ADRA1A: variants seen among roughly 807,000 people sequenced by gnomAD.
ADRA1A encodes the protein alpha-1A adrenergic receptor.
ADRA1A carries 31 observed loss-of-function variants against 29.6 expected under a neutral mutation model. The observed-to-expected ratio is 1.05, with a 90% CI of 0.79 to 1.41. The LOEUF is 1.41. Among genes scored for constraint, ADRA1A ranks in the 40% most tolerant of loss-of-function variants. The probability of loss-of-function intolerance (pLI) is 0.00; values close to 1 mark genes in which losing one functional copy is unlikely to be tolerated. For missense variants in ADRA1A, 619 were observed against 601.1 expected, an observed-to-expected ratio of 1.03 and a Z score of -0.31; for synonymous variants, 311 against 254.3, an observed-to-expected ratio of 1.22 and a Z score of -2.12.
In ADRA1A at chr8:26,860,855, T is replaced by C. The variant is rs953996989; in HGVS notation, c.883+3232A>G. Among the ~76,000 whole-genome samples the C allele has an allele frequency of 6.6e-6, 1 of 152,122 alleles. No individual in the cohort carries two copies. Among genetic ancestry groups the C allele is most frequent in the African/African-American group, 2.4e-5 (1 of 41,410 alleles). On this transcript the variant is annotated intron_variant, in intron 2 of 2. Coordinates refer to ENST00000380573, the MANE Select transcript of ADRA1A (RefSeq NM_000680.4). The surrounding 1 kb of genome is among the most constrained non-coding windows in gnomAD (Gnocchi z 4.7). Reference sequence around the variant, plus strand: ...CATCGTTCCCATCAGAATATAAATATCATGTCATATCCCCACCTCCCACCA... The same window carrying C: ...CATCGTTCCCATCAGAATATAAATACCATGTCATATCCCCACCTCCCACCA...
At chr8:26,800,727 A>G (rs759090912) in intron 2 of ADRA1A, among the ~76,000 whole-genome samples, 1 of 152,170 alleles carries the variant, frequency 6.6e-6, no homozygotes, top group Non-Finnish European at 1.5e-5. Context: ...AAAAAATAGA[A>G]GAAGAGGGAA....
intron 2 of ADRA1A, chr8:26,859,136 T>G: frequency 7.8e-7 from 1 of 1,290,006 alleles, no homozygotes; most frequent in African/African-American, 1.5e-5. Context: ...CTCTTTCCTC[T>G]CCCGCAGCCT....
chr8:26,765,786 G>A (rs1805742690), downstream of ADRA1A: 2 of 1,246,848 alleles, frequency 1.6e-6, no homozygotes, highest in African/African-American at 3.0e-5. Flanking sequence ...TTGGCCAAAG[G>A]ACCTGAGCAG....
chr8:26,762,378 C>T (rs1335872787), downstream of ADRA1A, among the ~76,000 whole-genome samples: 1 of 152,104 alleles, frequency 6.6e-6, no homozygotes, highest in Non-Finnish European at 1.5e-5. This position sits in a 1 kb window ranked among gnomAD's most constrained non-coding sequence, Gnocchi z 4.0. Flanking sequence ...TGTCTCCTGC[C>T]CTGGGCTCTC....
At position 26,801,200 on chromosome 8, in the gene ADRA1A, C is replaced by T. The variant is rs541924093; in HGVS notation, c.884-30534G>A. On this transcript the variant is annotated intron_variant, in intron 2 of 2. Coordinates refer to ENST00000380573, the MANE Select transcript of ADRA1A (RefSeq NM_000680.4). ...TGAATTGGAAAAAGTGAAAGCCTTTCCTCTAAGTTCTAGAACAAGACAAGC... is the reference window on the plus strand; with the variant it reads ...TGAATTGGAAAAAGTGAAAGCCTTTTCTCTAAGTTCTAGAACAAGACAAGC... Among the ~76,000 whole-genome samples the T allele has an allele frequency of 5.3e-5, 8 of 152,232 alleles. No individual in the cohort carries two copies. The South Asian group carries it at 1.7e-3, about 32-fold the overall frequency.
At position 26,770,799 on chromosome 8, in the gene ADRA1A, A is replaced by T. The variant is rs1010691531; in HGVS notation, c.884-133T>A. The T allele has an allele frequency of 3.1e-6, 4 of 1,296,936 alleles. No individual in the cohort carries two copies. The African/African-American group carries it at 6.0e-5, about 19-fold the overall frequency. 80.3% of individuals were successfully genotyped at this position (1,296,936 alleles called of 1,614,324 possible). On this transcript the variant is annotated intron_variant, in intron 2 of 2. Transcript: ENST00000380573. ...GATCCCAAACACATATGAGTTTCTC[A>T]CATTTGACTGACTAGCTCCTATGAC...
chr8:26,840,957 T>C (rs1013082889), intron 2 of ADRA1A, among the ~76,000 whole-genome samples: 35 of 152,300 alleles, frequency 2.3e-4, no homozygotes, highest in South Asian at 6.2e-4. Context: ...CCAGTCATGA[T>C]AGCAGGAATA....
intron 2 of ADRA1A, among the ~76,000 whole-genome samples, chr8:26,851,348 T>A (rs1397118782): frequency 6.6e-6 from 1 of 152,094 alleles, no homozygotes; most frequent in Non-Finnish European, 1.5e-5. Context: ...GAGACAAGCT[T>A]TCCAAACCAC....
chr8:26,756,059 T>A (rs1805149377), downstream of ADRA1A, among the ~76,000 whole-genome samples: 1 of 152,264 alleles, frequency 6.6e-6, no homozygotes, highest in Admixed American at 6.5e-5. Context: ...TTATTTCATC[T>A]ATCACACTTG....
chr8:26,818,408 TG>T (rs1342096223), intron 2 of ADRA1A, among the ~76,000 whole-genome samples: 1 of 152,210 alleles, frequency 6.6e-6, no homozygotes, highest in African/African-American at 2.4e-5. Flanking sequence ...AACATTTTTT[TG>T]TTTGTAAAAT....
At position 26,805,614 on chromosome 8, in the gene ADRA1A, C is replaced by T. The variant is rs1219085469; in HGVS notation, c.884-34948G>A. On this transcript the variant is annotated intron_variant, in intron 2 of 2. Transcript: ENST00000380573. The surrounding 1 kb of genome is among the most constrained non-coding windows in gnomAD (Gnocchi z 4.8). ...AGGCATGAGAGGCTAAGTAACTTGC[C>T]CAAGGCCATGGAACAAGTGAGAGAT... Among the ~76,000 whole-genome samples the T allele has an allele frequency of 1.3e-5, 2 of 152,140 alleles. No homozygotes were observed. The highest frequency in any genetic ancestry group is 3.8e-4 in the East Asian group (2 of 5,196).
At chr8:26,777,606 T>C (rs759171779) in intron 2 of ADRA1A, among the ~76,000 whole-genome samples, 4 of 152,248 alleles carry the variant, frequency 2.6e-5, no homozygotes, top group Non-Finnish European at 5.9e-5. Context: ...CATTCATGTA[T>C]CTGAGTAAAG....
chr8:26,793,020 TA>T (rs999738736), intron 2 of ADRA1A, among the ~76,000 whole-genome samples: 10 of 151,864 alleles, frequency 6.6e-5, no homozygotes, highest in African/African-American at 2.2e-4. Flanking sequence ...GGTTTGGAAA[TA>T]TATACTAAGC....
chr8:26,767,391 G>A (rs570690087), downstream of ADRA1A, among the ~76,000 whole-genome samples: 40 of 152,226 alleles, frequency 2.6e-4, no homozygotes, highest in African/African-American at 7.9e-4. Flanking sequence ...GGGAATGAGC[G>A]AAAAGTAATT....
intron 2 of ADRA1A, among the ~76,000 whole-genome samples, chr8:26,799,914 A>G (rs34967971): frequency 0.1 from 15,845 of 152,190 alleles, 1,333 homozygotes; most frequent in East Asian, 0.33. Flanking sequence ...ATTCAATGTG[A>G]AAAAAATAAA....
intron 2 of ADRA1A, among the ~76,000 whole-genome samples, chr8:26,798,936 A>G (rs1342111268): frequency 6.6e-6 from 1 of 152,092 alleles, no homozygotes; most frequent in East Asian, 1.9e-4. Flanking sequence ...CTGCCCAGGG[A>G]TATCTTGCAG....
At chr8:26,842,510 G>C (rs911462323) in intron 2 of ADRA1A, among the ~76,000 whole-genome samples, 32 of 151,990 alleles carry the variant, frequency 2.1e-4, no homozygotes, top group African/African-American at 7.7e-4. Flanking sequence ...GACCTGCCTT[G>C]AAATATCCCT....
chr8:26,761,215 A>G (rs918161120), downstream of ADRA1A, among the ~76,000 whole-genome samples: 2 of 152,260 alleles, frequency 1.3e-5, no homozygotes, highest in African/African-American at 4.8e-5. Flanking sequence ...TTAGTTGCCA[A>G]ATACATTCTA....
chr8:26,803,919 C>CTTTTTTTTTTTTTTTT (rs34314160), intron 2 of ADRA1A, among the ~76,000 whole-genome samples: 1 of 95,246 alleles, frequency 1.0e-5, no homozygotes, highest in Non-Finnish European at 1.9e-5. Flanking sequence ...TGGAAGTTTC[C>CTTTTTTTTTTTTTTTT]TTTTTTTTTT....
Sources: allele counts gnomAD v4.1 joint callset (sites outside exome capture counted in the v4.1 genomes callset), GRCh38; gene constraint gnomAD v4.1.1; non-coding constraint Gnocchi (gnomAD v3.1); transcripts MANE v1.5; gene names NCBI Gene and HGNC (gene_info 2026-07-23, HGNC 2026-07-21).